SNTG2: variants seen among roughly 807,000 people sequenced by gnomAD.
SNTG2 encodes gamma-2-syntrophin.
In SNTG2, 74 loss-of-function variants were observed where a neutral mutation model predicts 70.9. The ratio of observed to expected loss-of-function variants is 1.04; its 90% CI spans 0.86 to 1.27. SNTG2 has a LOEUF of 1.27. SNTG2 is among the 50% of genes most tolerant of loss of function. SNTG2 has a pLI of 0.00. For synonymous variants in SNTG2, 278 were observed against 273.8 expected, an observed-to-expected ratio of 1.02 and a Z score of -0.15; for missense variants, 717 against 690.7, an observed-to-expected ratio of 1.04 and a Z score of -0.43.
chr2:1,239,555 A>G (rs1676914508), intron 10 of SNTG2, among the ~76,000 whole-genome samples, 183 bp from the exon 11 acceptor site: 1 of 152,236 alleles, frequency 6.6e-6, no homozygotes, highest in South Asian at 2.1e-4. Flanking sequence ...GCCTGCTAGT[A>G]AAGTTGTTTT....
chr2:1,069,785 G>A lies in SNTG2; in HGVS notation c.73-13733G>A, dbSNP rs544886356. 8.0e-4 allele frequency among the ~76,000 whole-genome samples: 121 copies of A among 152,026 alleles called. 1 individual carries two copies. Among genetic ancestry groups the A allele is most frequent in the African/African-American group, 2.7e-3 (110 of 41,492 alleles). On this transcript the variant is annotated intron_variant, in intron 1 of 16. Transcript: ENST00000308624. ...CAGCCTGGCGACAGAGCAAGACTCC[G>A]TCTCAAAAAAAATAAATAAATACAA...
intron 14 of SNTG2, among the ~76,000 whole-genome samples, chr2:1,273,551 G>T (rs1051514363): frequency 5.3e-5 from 8 of 151,878 alleles, no homozygotes; most frequent in Non-Finnish European, 1.0e-4. Context: ...GTGGAGAAAG[G>T]AAAGCCTTCT....
rs528663636 is a variant in SNTG2, at chr2:980,941, G to A, written c.72+29873G>A. On this transcript the variant is annotated intron_variant, in intron 1 of 16. Transcript: ENST00000308624. ...ATCATCATGACAGCCCAATTACCTA[G>A]CCCTATTATTTTTCTTATTTTACTT... Among the ~76,000 whole-genome samples, 4 of 152,160 alleles carry A rather than the reference G, an allele frequency of 2.6e-5. No individual in the cohort carries two copies. The South Asian group carries it at 8.3e-4, about 32-fold the overall frequency.
chr2:1,159,731 A>T (rs1400060842), intron 6 of SNTG2, among the ~76,000 whole-genome samples: 2 of 152,208 alleles, frequency 1.3e-5, no homozygotes, highest in African/African-American at 2.4e-5. Context: ...AAAAATGAAG[A>T]TGCGAATTTG....
intron 12 of SNTG2, among the ~76,000 whole-genome samples, chr2:1,249,699 CCTGA>C (rs1283603637): frequency 6.6e-5 from 10 of 152,234 alleles, no homozygotes; most frequent in East Asian, 3.9e-4. Context: ...ATTATGAGAC[CCTGA>C]CTATGTTTGA....
At chr2:1,295,723 G>A (rs1212886775) in intron 14 of SNTG2, among the ~76,000 whole-genome samples, 2 of 149,992 alleles carry the variant, frequency 1.3e-5, no homozygotes, top group African/African-American at 4.9e-5. Context: ...GGAGGGAGGA[G>A]CAGGCAGACG....
intron 1 of SNTG2, among the ~76,000 whole-genome samples, chr2:961,619 G>A (rs1337808464): frequency 1.3e-5 from 2 of 152,068 alleles, no homozygotes; most frequent in Non-Finnish European, 2.9e-5. Flanking sequence ...TAATTTGTAG[G>A]CTTATGTTGT....
intron 14 of SNTG2, among the ~76,000 whole-genome samples, chr2:1,292,264 G>A (rs1311004687): frequency 6.6e-6 from 1 of 152,010 alleles, no homozygotes; most frequent in African/African-American, 2.4e-5. Context: ...TGTCTTTAGG[G>A]TTTTCTATAT....
At chr2:976,036 A>G (rs563246357) in intron 1 of SNTG2, among the ~76,000 whole-genome samples, 13 of 152,282 alleles carry the variant, frequency 8.5e-5, no homozygotes, top group Non-Finnish European at 1.3e-4. Flanking sequence ...CAGTGATAGG[A>G]ACAGGGTCTC....
intron 9 of SNTG2, among the ~76,000 whole-genome samples, chr2:1,222,041 C>G (rs1553362143): frequency 0.02 from 75 of 3,704 alleles, 18 homozygotes; most frequent in Non-Finnish European, 0.03. Flanking sequence ...ATCTCTGTCT[C>G]TCTCTGTCTC....
chr2:1,353,842 A>C lies in SNTG2; in HGVS notation c.1489-13501A>C, dbSNP rs945817334. ...CGTAAGGAGGTGTGATTTCCACTGG[A>C]GGAGATTGATTGAGGACATTTGGTA... On this transcript the variant is annotated intron_variant, in intron 16 of 16. Coordinates refer to ENST00000308624, the MANE Select transcript of SNTG2 (RefSeq NM_018968.4). This position sits in a 1 kb window ranked among gnomAD's most constrained non-coding sequence, Gnocchi z 4.2. 1 of 152,148 alleles carries C rather than the reference A, an allele frequency of 6.6e-6. No individual in the cohort carries two copies. The highest frequency in any genetic ancestry group is 2.4e-5 in the African/African-American group (1 of 41,412). The allele number at this position is 152,148 out of a possible 1,614,324, so 9.4% of individuals were successfully genotyped here.
At chr2:1,191,258 G>T (rs61431044) in intron 8 of SNTG2, among the ~76,000 whole-genome samples, 2,362 of 152,260 alleles carry the variant, frequency 0.016, 66 homozygotes, top group African/African-American at 0.054. Flanking sequence ...CTATCCAGCT[G>T]GGTAGACGAA....
chr2:1,157,963 A>G (rs1670010038), intron 6 of SNTG2, among the ~76,000 whole-genome samples: 1 of 152,210 alleles, frequency 6.6e-6, no homozygotes, highest in Non-Finnish European at 1.5e-5. Flanking sequence ...TCTAGGCACA[A>G]AAGTTAGCAT....
At chr2:1,267,653 T>C (rs1007031209) in intron 14 of SNTG2, 82 bp downstream of exon 14, 1 of 1,280,584 alleles carries the variant, frequency 7.8e-7, no homozygotes, top group African/African-American at 1.5e-5. Context: ...TAGCAGTTTA[T>C]CGGGGGAAAA....
intron 1 of SNTG2, among the ~76,000 whole-genome samples, chr2:1,063,495 A>G (rs1217329220): frequency 6.6e-6 from 1 of 152,214 alleles, no homozygotes; most frequent in African/African-American, 2.4e-5. Flanking sequence ...AGCTTTCAGC[A>G]GGATGGTAAA....
chr2:1,153,339 A>G (rs991600847), intron 6 of SNTG2, among the ~76,000 whole-genome samples: 1 of 152,214 alleles, frequency 6.6e-6, no homozygotes, highest in African/African-American at 2.4e-5. Context: ...TATGTGTGCC[A>G]TGCTGGTATG....
At chr2:1,161,544 AG>A (rs1670279012) in intron 6 of SNTG2, 1 of 152,244 alleles carries the variant, frequency 6.6e-6, no homozygotes, top group South Asian at 2.1e-4. Flanking sequence ...CCATGATTCC[AG>A]GAGGGAGAAA....
chr2:1,350,550 A>T (rs1013885987), intron 16 of SNTG2, among the ~76,000 whole-genome samples: 1 of 152,208 alleles, frequency 6.6e-6, no homozygotes, highest in Non-Finnish European at 1.5e-5. Context: ...GGACAGCCGG[A>T]TGCTGTTTCT....
chr2:1,289,747 C>A (rs550707131), intron 14 of SNTG2, among the ~76,000 whole-genome samples: 1 of 152,216 alleles, frequency 6.6e-6, no homozygotes, highest in Non-Finnish European at 1.5e-5. Context: ...AGAACCCTGT[C>A]ATCTTGCAAA....
Sources: allele counts gnomAD v4.1 joint callset (sites outside exome capture counted in the v4.1 genomes callset), GRCh38; gene constraint gnomAD v4.1.1; non-coding constraint Gnocchi (gnomAD v3.1); transcripts MANE v1.5; gene names NCBI Gene and HGNC (gene_info 2026-07-23, HGNC 2026-07-21).